CRAMP1: variants seen among roughly 807,000 people sequenced by gnomAD.
The protein encoded by CRAMP1 is cramped chromatin regulator 1.
In CRAMP1, 50 loss-of-function variants were observed where a neutral mutation model predicts 115.4. The ratio of observed to expected loss-of-function variants is 0.43; its 90% CI spans 0.35 to 0.55. The LOEUF is 0.55. Among genes scored for constraint, CRAMP1 ranks in the 20% least tolerant of loss-of-function variants. The pLI is 0.01. For missense variants in CRAMP1, 1,679 were observed against 1,721.7 expected, an observed-to-expected ratio of 0.98 and a Z score of 0.44; for synonymous variants, 866 against 745.4, an observed-to-expected ratio of 1.16 and a Z score of -2.64.
intron 2 of CRAMP1, among the ~76,000 whole-genome samples, chr16:1,622,260 C>T (rs2036471265): frequency 6.6e-6 from 1 of 152,198 alleles, no homozygotes. Context: ...TGCCTGTAAC[C>T]CTAGCACTTT....
chr16:1,667,268 C>G (rs966283350), intron 16 of CRAMP1, 67 bp from the exon 17 acceptor site: 12 of 1,303,576 alleles, frequency 9.2e-6, no homozygotes, highest in Admixed American at 8.5e-5. Context: ...GGAACTCTGT[C>G]GCGGGTGAGG....
chr16:1,654,508 G>A (rs997927415), intron 8 of CRAMP1, among the ~76,000 whole-genome samples: 4 of 152,178 alleles, frequency 2.6e-5, no homozygotes, highest in Admixed American at 1.3e-4. Flanking sequence ...CGCCGTGCCC[G>A]GTGAACTTAG....
rs1213315193 is a variant in CRAMP1, at chr16:1,656,827, A to G, written c.2070A>G (p.Glu690=). 1.9e-6 allele frequency: 3 copies of G among 1,550,116 alleles called. No homozygotes were observed. The highest frequency in any genetic ancestry group is 2.6e-6 in the Non-Finnish European group (3 of 1,146,658). ...LQTSESLTLA[E]VYLMMGKPSK... is the part of the protein sequence containing the mutation. ...CCTCCGAAAGCCTCACGCTGGCCGA[A>G]GTCTACCTCATGATGGGCAAGCCCA... Residue 690 remains glutamate (E), a synonymous_variant, in exon 10 of 21, where the codon GAA becomes GAG. Transcript: ENST00000397412. The surrounding 1 kb of genome is among the most constrained non-coding windows in gnomAD (Gnocchi z 5.6).
At position 1,656,193 on chromosome 16, in the gene CRAMP1, C is replaced by T. The variant is rs372160619; in HGVS notation, c.1436C>T (p.Ala479Val). 426 of 1,600,916 alleles carry T rather than the reference C, an allele frequency of 2.7e-4. No homozygotes were observed. The highest frequency in any genetic ancestry group is 2.7e-4 in the Non-Finnish European group (312 of 1,174,524). ...AAGGGTGTGGGGCGGCCCCCTCCTG[C>T]GGCTGACGCCTTGCAGAGCTCCGGA... ...EGKGVGRPPP[A>V]ADALQSSGES... is the part of the protein sequence containing the mutation. The change falls in exon 10 of 21, where the codon GCG (alanine) becomes GTG (valine). Residue 479 changes from alanine to valine, a missense_variant. Ala to Val is a moderately conservative substitution (Grantham distance 64). Around this residue, in one of 8 missense-constraint regions of CRAMP1, gnomAD observed 405 missense variants for 302.6 expected, o/e 1.34. Transcript: ENST00000397412. The surrounding 1 kb of genome is among the most constrained non-coding windows in gnomAD (Gnocchi z 5.6).
At position 1,666,276 on chromosome 16, in the gene CRAMP1, T is replaced by A. The variant is rs2036875253; in HGVS notation, c.2857+99T>A. The A allele has an allele frequency of 8.5e-7, 1 of 1,170,278 alleles. No individual in the cohort carries two copies. The highest frequency in any genetic ancestry group is 1.5e-5 in the African/African-American group (1 of 65,412). The allele number at this position is 1,170,278 out of a possible 1,614,324, so 72.5% of individuals were successfully genotyped here. A position where few individuals can be genotyped will look rare whatever the true frequency, so the allele number is the denominator to read the frequency against. On this transcript the variant is annotated intron_variant, in intron 15 of 20. Coordinates refer to ENST00000397412, the MANE Select transcript of CRAMP1 (RefSeq NM_020825.4). This position sits in a 1 kb window ranked among gnomAD's most constrained non-coding sequence, Gnocchi z 5.0. ...ATGTTTTCTTCTCCAAATCATAATG[T>A]CTCATTACCCTTCACCAAGAACATC...
At chr16:1,646,426 T>C (rs1185101648) in intron 6 of CRAMP1, among the ~76,000 whole-genome samples, 3 of 152,242 alleles carry the variant, frequency 2.0e-5, no homozygotes, top group Non-Finnish European at 4.4e-5. Context: ...AGTGGCATCA[T>C]GCTGTGGTTT....
Position 1,668,027 on chromosome 16 carries a change from G to T in CRAMP1, c.3168G>T (p.Pro1056=). Residue 1056 remains proline, a synonymous_variant, in exon 18 of 21, where the codon CCG becomes CCT. Transcript: ENST00000397412. ...CTCTCCAGAATGGCCTCTCCATACC[G>T]CTGTCCTCGTCAGAGAGCTCCAGCA... ...KAPLQNGLSI[P]LSSSESSSTR... The T allele has an allele frequency of 6.2e-7, 1 of 1,613,688 alleles. No individual in the cohort carries two copies.
At chr16:1,668,749 T>C (rs922403041) in intron 18 of CRAMP1, among the ~76,000 whole-genome samples, 2 of 152,224 alleles carry the variant, frequency 1.3e-5, no homozygotes, top group East Asian at 1.9e-4. Context: ...CTAGGGCTGC[T>C]GTGGGTGCCG....
chr16:1,641,015 C>T, intron 5 of CRAMP1, 124 bp from the exon 6 acceptor site: 2 of 664,438 alleles, frequency 3.0e-6, no homozygotes, highest in East Asian at 2.8e-5. Flanking sequence ...GCTTTTATTC[C>T]AGAGGAACTT....
intron 4 of CRAMP1, among the ~76,000 whole-genome samples, chr16:1,634,094 A>G (rs2036567826): frequency 6.6e-6 from 1 of 151,894 alleles, no homozygotes. Context: ...CTGGTCTTGA[A>G]AAGCTCTCTA....
At position 1,641,076 on chromosome 16, in the gene CRAMP1, A is replaced by G; in HGVS notation, c.779-63A>G. On this transcript the variant is annotated intron_variant, in intron 5 of 20. Coordinates refer to ENST00000397412, the MANE Select transcript of CRAMP1 (RefSeq NM_020825.4). ...CTATATTGAGCGGAATTGTATGGGA[A>G]TCTTCAGTGGCTTTGCTCCTAACTA... The G allele has an allele frequency of 4.4e-6, 5 of 1,134,644 alleles. No homozygotes were observed. The South Asian group carries it at 5.0e-5, about 11-fold the overall frequency. 70.3% of individuals were successfully genotyped at this position (1,134,644 alleles called of 1,614,324 possible).
At position 1,614,933 on chromosome 16, in the gene CRAMP1, T is replaced by G. The variant is rs181418270; in HGVS notation, c.294T>G (p.Pro98=). 1.9e-4 allele frequency: 247 copies of G among 1,277,782 alleles called. 3 individuals carry two copies. The East Asian group carries it at 6.9e-3, about 36-fold the overall frequency. The allele number at this position is 1,277,782 out of a possible 1,614,324, so 79.2% of individuals were successfully genotyped here. A position where few individuals can be genotyped will look rare whatever the true frequency, so the allele number is the denominator to read the frequency against. The change falls in exon 2 of 21, where the codon CCT becomes CCG. Residue 98 remains proline, a synonymous_variant. Coordinates refer to ENST00000397412, the MANE Select transcript of CRAMP1 (RefSeq NM_020825.4). This position sits in a 1 kb window ranked among gnomAD's most constrained non-coding sequence, Gnocchi z 4.4. ...RPQSKRPRKD[P]PSAVGSGNAG... ...AGAGCAAGAGGCCCAGGAAGGATCC[T>G]CCGAGCGCTGTGGGGAGCGGCAACG...
At chr16:1,632,697 A>G (rs1180567760) in intron 4 of CRAMP1, among the ~76,000 whole-genome samples, 1 of 152,238 alleles carries the variant, frequency 6.6e-6, no homozygotes, top group Non-Finnish European at 1.5e-5. Context: ...TGCAAATGAT[A>G]GCACCATGGT....
intron 2 of CRAMP1, among the ~76,000 whole-genome samples, chr16:1,615,601 T>C (rs1402997317): frequency 6.6e-6 from 1 of 152,114 alleles, no homozygotes; most frequent in Non-Finnish European, 1.5e-5. Context: ...AGCAGCAGCT[T>C]GTAGTGTTCG....
chr16:1,619,003 G>C (rs958916428), intron 2 of CRAMP1, among the ~76,000 whole-genome samples: 1 of 152,196 alleles, frequency 6.6e-6, no homozygotes, highest in African/African-American at 2.4e-5. Flanking sequence ...TTGTGAAGTT[G>C]TCTAATGAGG....
intron 2 of CRAMP1, among the ~76,000 whole-genome samples, chr16:1,621,005 G>A (rs1428437770): frequency 1.3e-5 from 2 of 152,014 alleles, no homozygotes; most frequent in Non-Finnish European, 2.9e-5. Context: ...ACTACCCATT[G>A]CGAGGACAGG....
Position 1,665,263 on chromosome 16 carries a change from A to T in CRAMP1, c.2752+125A>T, listed in dbSNP as rs1035650600. 9.9e-6 allele frequency: 7 copies of T among 710,464 alleles called. No individual in the cohort carries two copies. The East Asian group carries it at 1.9e-4, about 19-fold the overall frequency. The allele number at this position is 710,464 out of a possible 1,614,324, so 44.0% of individuals were successfully genotyped here. On this transcript the variant is annotated intron_variant, in intron 14 of 20. Transcript: ENST00000397412. Reference sequence around the variant, plus strand: ...AGGCATTCCTTTGTCCATTCTACCGACAAATACCTAATGTGCCCTATGTGC... The same window carrying T: ...AGGCATTCCTTTGTCCATTCTACCGTCAAATACCTAATGTGCCCTATGTGC...
In CRAMP1 at chr16:1,656,668, G is replaced by A. The variant is rs760461313; in HGVS notation, c.1911G>A (p.Ala637=). 1.7e-5 allele frequency: 26 copies of A among 1,572,536 alleles called. No homozygotes were observed. The highest frequency in any genetic ancestry group is 3.7e-5 in the Admixed American group (2 of 53,880). Residue 637 remains alanine, a synonymous_variant, in exon 10 of 21, where the codon GCG becomes GCA. Transcript: ENST00000397412. The surrounding 1 kb of genome is among the most constrained non-coding windows in gnomAD (Gnocchi z 5.6). ...VCTKDLADAP[A]EELQEKGSPA... ...CTAAAGACTTGGCAGATGCACCTGC[G>A]GAGGAGCTCCAGGAGAAGGGGAGCC...
intron 6 of CRAMP1, among the ~76,000 whole-genome samples, chr16:1,648,059 G>T (rs1264383811): frequency 6.6e-6 from 1 of 152,082 alleles, no homozygotes; most frequent in East Asian, 1.9e-4. Context: ...AAAAGACGGA[G>T]GACTGTAACC....
Sources: allele counts gnomAD v4.1 joint callset (sites outside exome capture counted in the v4.1 genomes callset), GRCh38; gene constraint gnomAD v4.1.1; regional missense constraint gnomAD v4.1.1; non-coding constraint Gnocchi (gnomAD v3.1); transcripts MANE v1.5; gene names NCBI Gene and HGNC (gene_info 2026-07-23, HGNC 2026-07-21).